Variants in VPS41 observed in about 807,000 individuals in gnomAD.
VPS41 encodes vacuolar protein sorting-associated protein 41 homolog.
A neutral mutation model predicts 130.9 loss-of-function variants in VPS41; 85 were observed. The ratio of observed to expected loss-of-function variants is 0.65; its 90% CI spans 0.55 to 0.78. VPS41 has a LOEUF of 0.78. Ranked by LOEUF, VPS41 falls within the 30% of genes least tolerant of loss-of-function variation. The pLI is 0.00. For missense variants in VPS41, 874 were observed against 1,018.7 expected (o/e 0.86, Z 1.93); for synonymous variants, 335 against 332.9 (o/e 1.01, Z -0.07).
At position 38,750,260 on chromosome 7, in the gene VPS41, T is replaced by C. The variant is rs186817408; in HGVS notation, c.1926+1916A>G. Among the ~76,000 whole-genome samples the C allele has an allele frequency of 2.4e-3, 364 of 152,282 alleles. 1 individual carries two copies. Among genetic ancestry groups the C allele is most frequent in the Non-Finnish European group, 3.9e-3 (262 of 68,028 alleles). On this transcript the variant is annotated intron_variant, in intron 22 of 28. Transcript: ENST00000310301. Reference sequence around the variant, plus strand: ...AGACAGCTTTGGGTACCTGATAGGGTAGAGTGCTATGTTTTCTACAAATAT... The same window carrying C: ...AGACAGCTTTGGGTACCTGATAGGGCAGAGTGCTATGTTTTCTACAAATAT...
Position 38,889,563 on chromosome 7 carries a change from A to AC in VPS41, c.60+8527_60+8528insG, listed in dbSNP as rs1311342808. Among the ~76,000 whole-genome samples, 220 of 149,442 alleles carry AC rather than the reference A, an allele frequency of 1.5e-3. 5 individuals carry two copies. The East Asian group carries it at 0.025, about 17-fold the overall frequency. On this transcript the variant is annotated intron_variant, in intron 2 of 28. Transcript: ENST00000310301. ...AAAAAACAAAACAAAACAAAACAAA[A>AC]AAAAAAAAAAACCTTAAAACTGAAG... is the stretch of plus-strand genomic sequence containing the variant.
intron 2 of VPS41, among the ~76,000 whole-genome samples, chr7:38,876,327 T>C (rs1786490254): frequency 6.6e-6 from 1 of 152,218 alleles, no homozygotes; most frequent in Non-Finnish European, 1.5e-5. Flanking sequence ...TCTCACAATG[T>C]CTTTCTAAGT....
chr7:38,867,601 T>A lies in VPS41; in HGVS notation c.168+1545A>T, dbSNP rs570891169. On this transcript the variant is annotated intron_variant, in intron 3 of 28. Transcript: ENST00000310301. ...AAAGAAAATCTCCTGTGGGTAAGAA[T>A]GGGTGTGAAAAAGAGGTCAGGAATT... Among the ~76,000 whole-genome samples, 5 of 151,738 alleles carry A rather than the reference T, an allele frequency of 3.3e-5. No individual in the cohort carries two copies. In the East Asian group the frequency reaches 7.7e-4, roughly 23 times the overall value.
chr7:38,785,398 G>A (rs1784421071), intron 10 of VPS41, among the ~76,000 whole-genome samples: 1 of 152,176 alleles, frequency 6.6e-6, no homozygotes, highest in Non-Finnish European at 1.5e-5. Context: ...AATCAGACAG[G>A]AGCCGAACAG....
chr7:38,832,064 C>T (rs545190245), intron 4 of VPS41, among the ~76,000 whole-genome samples: 1 of 152,124 alleles, frequency 6.6e-6, no homozygotes, highest in South Asian at 2.1e-4. Flanking sequence ...TACTAATAAA[C>T]TTAACCATTT....
chr7:38,899,369 T>C (rs745541459), intron 1 of VPS41, among the ~76,000 whole-genome samples: 5 of 152,226 alleles, frequency 3.3e-5, no homozygotes, highest in Non-Finnish European at 7.3e-5. Context: ...CACAGTAACA[T>C]TTTTGTTCTT....
At chr7:38,797,171 C>T (rs1428538064) in intron 7 of VPS41, 3 of 200,614 alleles carry the variant, frequency 1.5e-5, no homozygotes, top group East Asian at 1.1e-4. Flanking sequence ...AGATTTGTAT[C>T]GCAAAAGTTC....
chr7:38,791,564 A>C (rs1784537343), intron 9 of VPS41, among the ~76,000 whole-genome samples: 1 of 152,162 alleles, frequency 6.6e-6, no homozygotes, highest in African/African-American at 2.4e-5. Flanking sequence ...TAGGGCAGGA[A>C]GACTTCCTGG....
At chr7:38,839,449 G>C (rs1403517570) in intron 4 of VPS41, among the ~76,000 whole-genome samples, 1 of 152,034 alleles carries the variant, frequency 6.6e-6, no homozygotes, top group African/African-American at 2.4e-5. Flanking sequence ...TTGAAACAGA[G>C]TCTCGCTCTG....
chr7:38,795,991 A>T (rs1331919445), intron 8 of VPS41, among the ~76,000 whole-genome samples: 2 of 152,244 alleles, frequency 1.3e-5, no homozygotes, highest in Admixed American at 1.3e-4. Context: ...AAAGCCACCT[A>T]TATAAAGAAA....
intron 9 of VPS41, among the ~76,000 whole-genome samples, chr7:38,792,882 C>T (rs972240453): frequency 7.2e-5 from 11 of 152,086 alleles, no homozygotes; most frequent in African/African-American, 2.7e-4. Context: ...ACACAAACAG[C>T]TTCCTTGCTG....
At chr7:38,903,516 G>GA (rs1020751949) in intron 1 of VPS41, among the ~76,000 whole-genome samples, 1 of 151,696 alleles carries the variant, frequency 6.6e-6, no homozygotes, top group African/African-American at 2.4e-5. Flanking sequence ...TGTGTTGCAG[G>GA]AAAAAAAAGA....
chr7:38,752,968 A>G (rs12533557), intron 21 of VPS41, among the ~76,000 whole-genome samples: 99,815 of 151,568 alleles, frequency 0.66, 33,781 homozygotes, highest in Admixed American at 0.79. Flanking sequence ...AGGTGTTCTG[A>G]AACAGTTTTC....
chr7:38,756,829 G>T lies in VPS41; in HGVS notation c.1695+9C>A. 7 of 1,512,018 alleles carry T rather than the reference G, an allele frequency of 4.6e-6. No homozygotes were observed. The highest frequency in any genetic ancestry group is 6.3e-6 in the Non-Finnish European group (7 of 1,107,952). The allele number at this position is 1,512,018 out of a possible 1,614,324, so 93.7% of individuals were successfully genotyped here. ...ATAATTGACAGTACTAAAATAAAAAGCACATTACCTCTGAATCAAAATCCA... is the reference window on the plus strand; with the variant it reads ...ATAATTGACAGTACTAAAATAAAAATCACATTACCTCTGAATCAAAATCCA... On this transcript the variant is annotated intron_variant, in intron 19 of 28. Transcript: ENST00000310301.
intron 4 of VPS41, among the ~76,000 whole-genome samples, chr7:38,851,934 G>T (rs936358729): frequency 1.3e-5 from 2 of 152,058 alleles, no homozygotes; most frequent in African/African-American, 4.8e-5. Context: ...CTTAAAAAAA[G>T]CTAAAGTGTT....
intron 22 of VPS41, among the ~76,000 whole-genome samples, chr7:38,749,202 T>C (rs1022726798): frequency 6.6e-6 from 1 of 152,142 alleles, no homozygotes; most frequent in Non-Finnish European, 1.5e-5. Context: ...CGTCAGGATC[T>C]TTCCAAAGTT....
At chr7:38,899,397 AC>A (rs1251323062) in intron 1 of VPS41, among the ~76,000 whole-genome samples, 1 of 152,226 alleles carries the variant, frequency 6.6e-6, no homozygotes, top group African/African-American at 2.4e-5. Context: ...CATAAAAAAA[AC>A]AATTATTGCA....
chr7:38,740,017 T>C (rs919015106), intron 25 of VPS41, among the ~76,000 whole-genome samples: 1 of 152,206 alleles, frequency 6.6e-6, no homozygotes, highest in African/African-American at 2.4e-5. Context: ...ATCACAGTGG[T>C]GCCCATGAGC....
intron 5 of VPS41, among the ~76,000 whole-genome samples, chr7:38,825,938 C>T (rs1347284513): frequency 6.6e-6 from 1 of 152,212 alleles, no homozygotes; most frequent in Admixed American, 6.5e-5. Flanking sequence ...ACTATATGAC[C>T]TTCCCAGTTA....
Sources: allele counts gnomAD v4.1 joint callset (sites outside exome capture counted in the v4.1 genomes callset), GRCh38; gene constraint gnomAD v4.1.1; transcripts MANE v1.5; gene names NCBI Gene and HGNC (gene_info 2026-07-23, HGNC 2026-07-21).